ERBB4: variants seen among roughly 807,000 people sequenced by gnomAD.
ERBB4 encodes the protein erb-b2 receptor tyrosine kinase 4, also known as receptor tyrosine-protein kinase erbB-4.
In ERBB4, 42 loss-of-function variants were observed where a neutral mutation model predicts 158.0. The observed-to-expected ratio is 0.27, with a 90% confidence interval of 0.21 to 0.34. The LOEUF (loss-of-function observed/expected upper bound fraction) is 0.34. Among genes scored for constraint, ERBB4 ranks in the 10% least tolerant of loss-of-function variants. ERBB4 has a pLI of 1.00. For missense variants in ERBB4, 1,333 were observed against 1,624.1 expected (o/e 0.82, Z 3.08); for synonymous variants, 583 against 558.7 (o/e 1.04, Z -0.61).
At position 212,351,894 on chromosome 2, in the gene ERBB4, A is replaced by C. The variant is rs565935412; in HGVS notation, c.82+186555T>G. 2.0e-5 allele frequency among the ~76,000 whole-genome samples: 3 copies of C among 152,278 alleles called. No homozygotes were observed. The South Asian group carries it at 6.2e-4, about 32-fold the overall frequency. ...TTTTCAAACACAGAAAGACTTTATAAAACAATGGTAATAAATCAACCTAAA... is the reference window on the plus strand; with the variant it reads ...TTTTCAAACACAGAAAGACTTTATACAACAATGGTAATAAATCAACCTAAA... On this transcript the variant is annotated intron_variant, in intron 1 of 27. Coordinates refer to ENST00000342788, the MANE Select transcript of ERBB4 (RefSeq NM_005235.3).
chr2:211,959,326 T>C (rs2081115730), intron 2 of ERBB4, among the ~76,000 whole-genome samples: 1 of 152,068 alleles, frequency 6.6e-6, no homozygotes, highest in Non-Finnish European at 1.5e-5. Context: ...ACTAAGAAAA[T>C]GATGGCTTGC....
At chr2:211,914,134 A>G (rs924034969) in intron 3 of ERBB4, among the ~76,000 whole-genome samples, 2 of 151,866 alleles carry the variant, frequency 1.3e-5, no homozygotes, top group South Asian at 2.1e-4. Flanking sequence ...GAAAATAAAC[A>G]TGAGCAGTAC....
At chr2:211,830,786 G>A (rs11684546) in intron 3 of ERBB4, among the ~76,000 whole-genome samples, 16,319 of 151,996 alleles carry the variant, frequency 0.11, 1,174 homozygotes, top group Non-Finnish European at 0.15. Context: ...AGTGAAATGA[G>A]ATTACATTTC....
intron 4 of ERBB4, among the ~76,000 whole-genome samples, chr2:211,760,145 T>C (rs929567645): frequency 6.6e-6 from 1 of 152,188 alleles, no homozygotes; most frequent in Non-Finnish European, 1.5e-5. Flanking sequence ...ACTTAAACAA[T>C]AGAAAGAATG....
At chr2:212,003,140 G>A (rs1288331179) in intron 2 of ERBB4, among the ~76,000 whole-genome samples, 2 of 12,660 alleles carry the variant, frequency 1.6e-4, no homozygotes, top group Non-Finnish European at 3.9e-4. Flanking sequence ...AAGGAAGGAA[G>A]GAAGGAAGGA....
chr2:212,107,600 A>G (rs1575642752), intron 2 of ERBB4, among the ~76,000 whole-genome samples: 1 of 152,104 alleles, frequency 6.6e-6, no homozygotes. Context: ...GGAAGGCATG[A>G]TTGGTTTTGA....
chr2:211,629,629 C>T (rs1175217726), intron 17 of ERBB4, among the ~76,000 whole-genome samples: 2 of 152,190 alleles, frequency 1.3e-5, no homozygotes, highest in Admixed American at 1.3e-4. Context: ...AGGCATCACG[C>T]TACCTGACTT....
intron 14 of ERBB4, among the ~76,000 whole-genome samples, chr2:211,669,678 A>C (rs1574956021): frequency 6.6e-6 from 1 of 152,268 alleles, no homozygotes; most frequent in East Asian, 1.9e-4. Flanking sequence ...GATTACCGTA[A>C]ATTTCTGTCA....
chr2:211,876,835 G>GT (rs1047267349), intron 3 of ERBB4, among the ~76,000 whole-genome samples: 3 of 151,950 alleles, frequency 2.0e-5, no homozygotes, highest in Non-Finnish European at 2.9e-5. Context: ...TTTTTAAAAT[G>GT]TTTTTTTATC....
At chr2:212,468,375 C>T (rs576168704) in intron 1 of ERBB4, among the ~76,000 whole-genome samples, 66 of 152,138 alleles carry the variant, frequency 4.3e-4, no homozygotes, top group Non-Finnish European at 7.5e-4. Flanking sequence ...GTGGGAGGGA[C>T]CCGGTGGAAG....
intron 2 of ERBB4, among the ~76,000 whole-genome samples, chr2:212,112,966 T>C (rs113832463): frequency 5.3e-5 from 8 of 152,284 alleles, no homozygotes; most frequent in African/African-American, 1.9e-4. Flanking sequence ...TCTTCATAAA[T>C]TGACAAAAAT....
chr2:212,361,332 G>T (rs2089678770), intron 1 of ERBB4, among the ~76,000 whole-genome samples: 1 of 151,488 alleles, frequency 6.6e-6, no homozygotes, highest in African/African-American at 2.4e-5. Context: ...AAATAGCCTA[G>T]GTAAATATTT....
chr2:211,632,816 A>C (rs1006383634), intron 16 of ERBB4, among the ~76,000 whole-genome samples: 1 of 152,024 alleles, frequency 6.6e-6, no homozygotes, highest in Admixed American at 6.6e-5. Flanking sequence ...TACTTTCAGT[A>C]TTTTCTCACA....
intron 1 of ERBB4, among the ~76,000 whole-genome samples, chr2:212,188,235 C>CT (rs1559691606): frequency 0.011 from 96 of 8,602 alleles, 15 homozygotes; most frequent in African/African-American, 0.024. Context: ...TCTCTCTCTC[C>CT]CCCCCCCTCT....
chr2:211,538,111 T>G (rs1574701423), intron 20 of ERBB4, among the ~76,000 whole-genome samples: 1 of 145,054 alleles, frequency 6.9e-6, no homozygotes, highest in South Asian at 2.1e-4. Flanking sequence ...TTATAGGATT[T>G]GTAGTCCTTT....
At position 212,124,119 on chromosome 2, in the gene ERBB4, A is replaced by G. The variant is rs562182112; in HGVS notation, c.234+633T>C. Among the ~76,000 whole-genome samples the G allele has an allele frequency of 2.0e-3, 305 of 152,308 alleles. 1 individual carries two copies. The highest frequency in any genetic ancestry group is 3.4e-3 in the Non-Finnish European group (231 of 68,026). On this transcript the variant is annotated intron_variant, in intron 2 of 27. Transcript: ENST00000342788. ...CATTAGCACTAACAGCCAGTTTAAC[A>G]GAGTATAGATCAATGAAAGCAAAAA...
At chr2:212,021,867 G>A (rs2076659538) in intron 2 of ERBB4, among the ~76,000 whole-genome samples, 1 of 151,988 alleles carries the variant, frequency 6.6e-6, no homozygotes, top group Admixed American at 6.6e-5. Context: ...CAAAGTACAT[G>A]AACAGCCACT....
At chr2:211,742,354 T>C (rs746848000) in intron 5 of ERBB4, among the ~76,000 whole-genome samples, 8 of 152,240 alleles carry the variant, frequency 5.3e-5, no homozygotes, top group Admixed American at 2.6e-4. Flanking sequence ...ATTTGTCATT[T>C]TGCTTTCACA....
intron 20 of ERBB4, among the ~76,000 whole-genome samples, chr2:211,554,209 T>A (rs1164846516): frequency 6.6e-6 from 1 of 151,972 alleles, no homozygotes; most frequent in African/African-American, 2.4e-5. Context: ...GGCTCAGGAG[T>A]CAGAGTTATC....
Sources: allele counts gnomAD v4.1 joint callset (sites outside exome capture counted in the v4.1 genomes callset), GRCh38; gene constraint gnomAD v4.1.1; transcripts MANE v1.5; gene names NCBI Gene and HGNC (gene_info 2026-07-23, HGNC 2026-07-21).